The following GPLD1 variants were observed in gnomAD, a reference collection of about 807,000 sequenced individuals.
GPLD1 encodes the protein phosphatidylinositol-glycan-specific phospholipase D.
A neutral mutation model predicts 112.6 loss-of-function variants in GPLD1; 84 were observed. That is an observed-to-expected ratio of 0.75 (90% CI 0.63 to 0.89). The LOEUF (loss-of-function observed/expected upper bound fraction) is 0.89, where lower values mean the gene tolerates loss of function less well. GPLD1 is among the 40% of genes least tolerant of loss of function. The pLI is 0.00. For synonymous variants in GPLD1, 386 were observed against 403.8 expected (o/e 0.96, Z 0.53); for missense variants, 1,044 against 1,051.5 (o/e 0.99, Z 0.10).
At chr6:24,434,293 G>A (rs1762500839) in intron 22 of GPLD1, among the ~76,000 whole-genome samples, 1 of 151,914 alleles carries the variant, frequency 6.6e-6, no homozygotes, top group African/African-American at 2.4e-5. Flanking sequence ...AGCTACTCAG[G>A]AAGCTGAGGC....
intron 12 of GPLD1, among the ~76,000 whole-genome samples, chr6:24,460,072 A>AT (rs1215151957): frequency 3.9e-5 from 6 of 152,034 alleles, no homozygotes; most frequent in African/African-American, 1.4e-4. Context: ...TAATTTATTT[A>AT]TTTTTTATAG....
At position 24,466,950 on chromosome 6, in the gene GPLD1, A is replaced by G; in HGVS notation, c.654-11T>C. On this transcript the variant is annotated splice_polypyrimidine_tract_variant and intron_variant, in intron 8 of 24. Coordinates refer to ENST00000230036, the MANE Select transcript of GPLD1 (RefSeq NM_001503.4). ...AGCATCTCACCATACCTGCAAAATA[A>G]ACAATAATTTTGGCTGTGAGTTGCA... The G allele has an allele frequency of 6.2e-7, 1 of 1,609,472 alleles. No homozygotes were observed. Among genetic ancestry groups the G allele is most frequent in the Non-Finnish European group, 8.5e-7 (1 of 1,175,842 alleles).
intron 7 of GPLD1, among the ~76,000 whole-genome samples, chr6:24,471,332 C>A (rs941694946): frequency 6.6e-6 from 1 of 151,978 alleles, no homozygotes; most frequent in African/African-American, 2.4e-5. Context: ...TCATCTCTTA[C>A]AAAACATTAA....
chr6:24,462,217 C>T (rs1763460656), intron 11 of GPLD1, among the ~76,000 whole-genome samples: 1 of 152,118 alleles, frequency 6.6e-6, no homozygotes, highest in Admixed American at 6.6e-5. Context: ...ACTGCAGCCT[C>T]GAACTCCTAG....
intron 7 of GPLD1, among the ~76,000 whole-genome samples, chr6:24,469,756 T>A (rs1763736069): frequency 7.3e-6 from 1 of 136,336 alleles, no homozygotes; most frequent in South Asian, 2.4e-4. Context: ...TGTGCACATG[T>A]ACCCTAAAAC....
chr6:24,459,607 T>C (rs1230122021), intron 12 of GPLD1, among the ~76,000 whole-genome samples: 5 of 152,264 alleles, frequency 3.3e-5, no homozygotes, highest in African/African-American at 9.6e-5. Flanking sequence ...TGTTGCAGTC[T>C]ACTCACATAA....
At chr6:24,457,921 T>C (rs2793433) in intron 12 of GPLD1, among the ~76,000 whole-genome samples, 64,609 of 150,508 alleles carry the variant, frequency 0.43, 14,018 homozygotes, top group Middle Eastern at 0.48. Flanking sequence ...TGAGATGTGG[T>C]TGTATTTGCT....
Position 24,437,261 on chromosome 6 carries a change from G to T in GPLD1, c.2049C>A (p.Thr683=). 1 of 1,613,994 alleles carries T rather than the reference G, an allele frequency of 6.2e-7. No homozygotes were observed. The highest frequency in any genetic ancestry group is 1.1e-5 in the South Asian group (1 of 91,066). ...TGGCTCCGCCTTGGTGTAGGGTCAC[G>T]GTCAGGAATGCCACCTTAGACACGT... ...YDDVSKVAFL[T]VTLHQGGATR... Residue 683 remains threonine (T), a synonymous_variant, in exon 21 of 25, where the codon ACC becomes ACA. Coordinates refer to ENST00000230036, the MANE Select transcript of GPLD1 (RefSeq NM_001503.4).
chr6:24,426,938 T>C lies in GPLD1; in HGVS notation c.*2094A>G, dbSNP rs1275464499. On this transcript the variant is annotated 3_prime_UTR_variant, in exon 25 of 25. Coordinates refer to ENST00000230036, the MANE Select transcript of GPLD1 (RefSeq NM_001503.4). ...GGTCATCCTGGGAGTGACCCAGAGATGCTCTCTAGGGATGTACCTCTTGAT... is the reference window on the plus strand; with the variant it reads ...GGTCATCCTGGGAGTGACCCAGAGACGCTCTCTAGGGATGTACCTCTTGAT... Among the ~76,000 whole-genome samples, 1 of 152,192 alleles carries C rather than the reference T, an allele frequency of 6.6e-6. No homozygotes were observed. Among genetic ancestry groups the C allele is most frequent in the South Asian group, 2.1e-4 (1 of 4,824 alleles).
chr6:24,490,700 C>T (rs527822622), upstream of GPLD1, among the ~76,000 whole-genome samples: 5 of 150,832 alleles, frequency 3.3e-5, no homozygotes, highest in African/African-American at 7.3e-5. Flanking sequence ...TGCGGTGAGC[C>T]GAGATTGCAC....
intron 2 of GPLD1, among the ~76,000 whole-genome samples, chr6:24,482,666 A>G: frequency 6.6e-6 from 1 of 152,164 alleles, no homozygotes. Flanking sequence ...ATCTGCCAAA[A>G]ACATATTTTT....
intron 2 of GPLD1, among the ~76,000 whole-genome samples, chr6:24,483,389 T>C (rs1170152029): frequency 1.3e-5 from 2 of 149,858 alleles, no homozygotes; most frequent in Non-Finnish European, 3.0e-5. Context: ...GAATAAAGAG[T>C]ACAGAAAGGC....
chr6:24,467,961 C>T (rs1411363223), intron 7 of GPLD1, among the ~76,000 whole-genome samples: 1 of 151,884 alleles, frequency 6.6e-6, no homozygotes, highest in African/African-American at 2.4e-5. Flanking sequence ...GGCTGGAGTG[C>T]AATGGTGCAA....
Position 24,448,157 on chromosome 6 carries a change from G to A in GPLD1, c.1498C>T (p.Pro500Ser), listed in dbSNP as rs1762972035. 2 of 1,611,284 alleles carry A rather than the reference G, an allele frequency of 1.2e-6. No individual in the cohort carries two copies. The highest frequency in any genetic ancestry group is 1.4e-5 in the African/African-American group (1 of 74,040). ...GSKQGGMSSS[P>S]NITISCQDIY... is the part of the protein sequence containing the mutation. ...ACCTGGCAAGAAATGGTGATGTTAG[G>A]GGAAGAAGACATTCCTCCTTGTTTG... is the stretch of plus-strand genomic sequence containing the variant. Residue 500 changes from proline (P) to serine (S), a missense_variant, in exon 16 of 25, where the codon CCT becomes TCT. Transcript: ENST00000230036.
intron 20 of GPLD1, among the ~76,000 whole-genome samples, chr6:24,442,144 T>C (rs1442435040): frequency 6.6e-6 from 1 of 151,136 alleles, no homozygotes; most frequent in Non-Finnish European, 1.5e-5. Context: ...TTTTAAAAAA[T>C]AGGGTCTCAC....
intron 20 of GPLD1, among the ~76,000 whole-genome samples, chr6:24,439,170 A>G (rs1762670430): frequency 6.6e-6 from 1 of 150,774 alleles, no homozygotes; most frequent in South Asian, 2.1e-4. Flanking sequence ...CTCTCTGTCT[A>G]CTCCCTGCTT....
At chr6:24,465,996 C>T (rs1230964030) in intron 10 of GPLD1, among the ~76,000 whole-genome samples, 1 of 152,176 alleles carries the variant, frequency 6.6e-6, no homozygotes, top group Non-Finnish European at 1.5e-5. Context: ...AACACAGCCA[C>T]TCTGGGACCT....
chr6:24,464,195 T>C (rs1431672397), intron 10 of GPLD1, among the ~76,000 whole-genome samples: 1 of 152,230 alleles, frequency 6.6e-6, no homozygotes, highest in Non-Finnish European at 1.5e-5. Flanking sequence ...CTTACTCTAT[T>C]CTAAACCCTT....
chr6:24,479,156 G>A (rs1764117725), intron 3 of GPLD1, among the ~76,000 whole-genome samples: 1 of 151,852 alleles, frequency 6.6e-6, no homozygotes, highest in Admixed American at 6.6e-5. Flanking sequence ...TCCAGCCAGA[G>A]AGATGTCAAC....
Sources: allele counts gnomAD v4.1 joint callset (sites outside exome capture counted in the v4.1 genomes callset), GRCh38; gene constraint gnomAD v4.1.1; transcripts MANE v1.5; gene names NCBI Gene and HGNC (gene_info 2026-07-23, HGNC 2026-07-21).